The following GALNT1 variants were observed in gnomAD, a reference collection of about 807,000 sequenced individuals.
GALNT1 encodes the protein polypeptide N-acetylgalactosaminyltransferase 1.
Under a neutral mutation model 65.7 loss-of-function variants are expected in GALNT1, and 17 were observed. The ratio of observed to expected loss-of-function variants is 0.26; its 90% CI spans 0.18 to 0.39. GALNT1 has a LOEUF of 0.39. GALNT1 is among the 10% of genes least tolerant of loss of function. The pLI is 1.00. For synonymous variants in GALNT1, 210 were observed against 219.7 expected, an observed-to-expected ratio of 0.96 and a Z score of 0.39; for missense variants, 460 against 672.8, an observed-to-expected ratio of 0.68 and a Z score of 3.50.
chr18:35,710,345 G>A lies in GALNT1; in HGVS notation c.*575G>A, dbSNP rs2048333845. 1 of 152,480 alleles carries A rather than the reference G, an allele frequency of 6.6e-6. No individual in the cohort carries two copies. Among genetic ancestry groups the A allele is most frequent in the Non-Finnish European group, 1.5e-5 (1 of 68,032 alleles). The allele number at this position is 152,480 out of a possible 1,614,324, so 9.4% of individuals were successfully genotyped here. On this transcript the variant is annotated 3_prime_UTR_variant, in exon 12 of 12. Transcript: ENST00000269195. ...GAGAAGTACAATTTGTTATAGTATA[G>A]TATCAAATTTCTATATAGATTTTAT... is the stretch of plus-strand genomic sequence containing the variant.
chr18:35,692,343 TTCTATGTGGTTATTATG>T, intron 9 of GALNT1, 23 bp downstream of exon 9: 2 of 1,340,948 alleles, frequency 1.5e-6, no homozygotes, highest in Non-Finnish European at 2.0e-6. Flanking sequence ...TATATATATA[TTCTATGTGGTTATTATG>T]TTCTTACTTT....
chr18:35,629,968 A>C (rs2046982723), intron 1 of GALNT1, among the ~76,000 whole-genome samples: 1 of 152,242 alleles, frequency 6.6e-6, no homozygotes, highest in Admixed American at 6.5e-5. Flanking sequence ...GAAGGCCATT[A>C]CATAATGGTA....
chr18:35,643,217 G>A (rs1240027989), intron 1 of GALNT1, among the ~76,000 whole-genome samples: 1 of 152,122 alleles, frequency 6.6e-6, no homozygotes, highest in Non-Finnish European at 1.5e-5. Flanking sequence ...ACACCTTTGT[G>A]TGGATATCAG....
intron 11 of GALNT1, among the ~76,000 whole-genome samples, chr18:35,704,377 A>G (rs1394635214): frequency 6.7e-6 from 1 of 148,972 alleles, no homozygotes; most frequent in Admixed American, 6.7e-5. Flanking sequence ...TGGTACAGTC[A>G]CAGCTCACAC....
intron 1 of GALNT1, among the ~76,000 whole-genome samples, chr18:35,631,197 A>G (rs1267433683): frequency 2.0e-5 from 3 of 152,232 alleles, no homozygotes; most frequent in African/African-American, 7.2e-5. Context: ...TCCCTAACTC[A>G]TTTTATGAGG....
intron 3 of GALNT1, among the ~76,000 whole-genome samples, chr18:35,669,948 A>G (rs1387740095): frequency 2.0e-5 from 3 of 152,222 alleles, no homozygotes; most frequent in East Asian, 1.9e-4. Flanking sequence ...TGCAGTTGAC[A>G]TGATTGTGTA....
At chr18:35,651,824 A>G (rs1741091533) in intron 1 of GALNT1, among the ~76,000 whole-genome samples, 1 of 152,246 alleles carries the variant, frequency 6.6e-6, no homozygotes, top group African/African-American at 2.4e-5. Context: ...ATTTAATTAC[A>G]TATGAAAACT....
chr18:35,608,779 A>G (rs181989517), intron 1 of GALNT1, among the ~76,000 whole-genome samples: 15 of 152,354 alleles, frequency 9.8e-5, no homozygotes, highest in African/African-American at 3.4e-4. Context: ...GGTATAAAGT[A>G]TACATATACT....
At chr18:35,634,178 A>G (rs2047059727) in intron 1 of GALNT1, among the ~76,000 whole-genome samples, 1 of 151,304 alleles carries the variant, frequency 6.6e-6, no homozygotes, top group East Asian at 1.9e-4. Flanking sequence ...TTTCTCATTT[A>G]GTTTAGTGCA....
intron 1 of GALNT1, among the ~76,000 whole-genome samples, chr18:35,606,074 CTGAT>C (rs2046643666): frequency 6.6e-6 from 1 of 152,194 alleles, no homozygotes; most frequent in Non-Finnish European, 1.5e-5. Context: ...GGTCTTGTGA[CTGAT>C]TGACTGGGGC....
intron 1 of GALNT1, among the ~76,000 whole-genome samples, chr18:35,620,861 G>C (rs1332586033): frequency 6.6e-6 from 1 of 151,398 alleles, no homozygotes; most frequent in African/African-American, 2.4e-5. Flanking sequence ...TCCAGGGACT[G>C]TACCTAGAAG....
intron 11 of GALNT1, among the ~76,000 whole-genome samples, chr18:35,705,489 C>T (rs749774136): frequency 8.5e-5 from 13 of 152,160 alleles, no homozygotes; most frequent in Non-Finnish European, 1.9e-4. Flanking sequence ...ATAATAATAG[C>T]TCAGTTAATA....
chr18:35,649,352 T>C (rs1568023798), intron 1 of GALNT1, among the ~76,000 whole-genome samples: 1 of 152,256 alleles, frequency 6.6e-6, no homozygotes, highest in Non-Finnish European at 1.5e-5. Flanking sequence ...GCTTTTTTGG[T>C]AAAGTGACAA....
Position 35,593,487 on chromosome 18 carries a change from C to T in GALNT1, c.-104+11625C>T, listed in dbSNP as rs113022710. 6.3e-3 allele frequency among the ~76,000 whole-genome samples: 962 copies of T among 152,030 alleles called. 18 individuals carry two copies. The highest frequency in any genetic ancestry group is 0.022 in the African/African-American group (912 of 41,440). ...GTTTTTAGGATAGGAAGGAGCAGAA[C>T]CTATTATTAGTAGGTCGTAGGTTAT... On this transcript the variant is annotated intron_variant, in intron 1 of 11. Transcript: ENST00000269195.
chr18:35,681,483 ATGC>A (rs2047785175), intron 4 of GALNT1, among the ~76,000 whole-genome samples: 1 of 149,516 alleles, frequency 6.7e-6, no homozygotes, highest in Non-Finnish European at 1.5e-5. Context: ...CCACAGAATC[ATGC>A]ATTTTTTTTT....
chr18:35,614,311 G>T (rs1186808265), intron 1 of GALNT1, among the ~76,000 whole-genome samples: 1 of 152,036 alleles, frequency 6.6e-6, no homozygotes, highest in Non-Finnish European at 1.5e-5. Context: ...GACTATTAAT[G>T]TAATTATCGA....
chr18:35,687,051 G>A lies in GALNT1; in HGVS notation c.725G>A (p.Ser242Asn), dbSNP rs2047879287. Residue 242 changes from serine (S) to asparagine (N), a missense_variant, in exon 6 of 12, where the codon AGT becomes AAT. Physicochemically the swap from Ser to Asn is conservative, Grantham distance 46. Coordinates refer to ENST00000269195, the MANE Select transcript of GALNT1 (RefSeq NM_020474.4). ...GTGTGTCCCATCATCGATGTGATCA[G>A]TGATGATACTTTTGAGTACATGGCA... The part of the protein sequence containing the change: ...TVVCPIIDVI[S>N]DDTFEYMAGS... 6.2e-7 allele frequency: 1 copy of A among 1,613,744 alleles called. No homozygotes were observed. The highest frequency in any genetic ancestry group is 1.1e-5 in the South Asian group (1 of 91,064).
At chr18:35,648,840 G>A (rs558175608) in intron 1 of GALNT1, among the ~76,000 whole-genome samples, 1 of 152,274 alleles carries the variant, frequency 6.6e-6, no homozygotes, top group East Asian at 1.9e-4. Context: ...GCCCAAGAAA[G>A]TTATGGAATG....
At chr18:35,689,064 A>ATAAG in intron 6 of GALNT1, 109 bp from the exon 7 acceptor site, 1 of 751,610 alleles carries the variant, frequency 1.3e-6, no homozygotes, top group Non-Finnish European at 2.4e-6. Flanking sequence ...GAGTGTGAGA[A>ATAAG]TAAGTACTTA....
Sources: allele counts gnomAD v4.1 joint callset (sites outside exome capture counted in the v4.1 genomes callset), GRCh38; gene constraint gnomAD v4.1.1; transcripts MANE v1.5; gene names NCBI Gene and HGNC (gene_info 2026-07-23, HGNC 2026-07-21).